Variants in HS6ST1 observed in about 807,000 individuals in gnomAD.
HS6ST1 encodes the protein heparan sulfate 6-O-sulfotransferase 1, also known as heparan-sulfate 6-O-sulfotransferase 1.
HS6ST1 carries 3 observed loss-of-function variants against 25.2 expected under a neutral mutation model. That is an observed-to-expected ratio of 0.12 (90% CI 0.05 to 0.31). HS6ST1 has a LOEUF of 0.31. HS6ST1 is among the 10% of genes least tolerant of loss of function. The pLI, the probability that HS6ST1 is intolerant of heterozygous loss-of-function variation, is 1.00. For missense variants in HS6ST1, 310 were observed against 609.6 expected, an observed-to-expected ratio of 0.51 and a Z score of 5.18; for synonymous variants, 204 against 275.1, an observed-to-expected ratio of 0.74 and a Z score of 2.56.
chr2:128,313,216 C>T (rs942142476), intron 1 of HS6ST1, among the ~76,000 whole-genome samples: 1 of 152,168 alleles, frequency 6.6e-6, no homozygotes, highest in African/African-American at 2.4e-5. Context: ...GACTATTCAA[C>T]TCAGAAATTC....
At chr2:128,304,687 T>C (rs556716255) in intron 1 of HS6ST1, among the ~76,000 whole-genome samples, 22 of 138,916 alleles carry the variant, frequency 1.6e-4, no homozygotes, top group Non-Finnish European at 2.7e-4. Flanking sequence ...ACTGGGAAGA[T>C]ATGGAGGCAC....
At chr2:128,274,406 G>A (rs1489343284) in intron 1 of HS6ST1, among the ~76,000 whole-genome samples, 3 of 152,192 alleles carry the variant, frequency 2.0e-5, no homozygotes, top group African/African-American at 7.2e-5. Flanking sequence ...GAAGGAAAAT[G>A]ACCAATCTCA....
intron 1 of HS6ST1, among the ~76,000 whole-genome samples, chr2:128,311,668 C>A (rs555911567): frequency 6.6e-6 from 1 of 152,298 alleles, no homozygotes; most frequent in South Asian, 2.1e-4. Flanking sequence ...GAGAGGGAAG[C>A]TGAGGGGTTG....
intron 1 of HS6ST1, among the ~76,000 whole-genome samples, chr2:128,277,836 C>T (rs1693718773): frequency 6.6e-6 from 1 of 152,274 alleles, no homozygotes; most frequent in East Asian, 1.9e-4. Flanking sequence ...CGAACTGCAG[C>T]TTCTTGTGAA....
chr2:128,301,597 G>C (rs892214896), intron 1 of HS6ST1, among the ~76,000 whole-genome samples: 2 of 152,220 alleles, frequency 1.3e-5, no homozygotes, highest in Admixed American at 6.5e-5. Flanking sequence ...TCTTGTTCCA[G>C]AATGTTTCTG....
intron 1 of HS6ST1, among the ~76,000 whole-genome samples, chr2:128,284,500 C>T (rs1693832439): frequency 1.7e-5 from 1 of 59,604 alleles, no homozygotes; most frequent in South Asian, 4.4e-4. Context: ...GTGACATCGT[C>T]CCTCTTTTTT....
chr2:128,292,434 C>T (rs551225616), intron 1 of HS6ST1, among the ~76,000 whole-genome samples: 1 of 152,230 alleles, frequency 6.6e-6, no homozygotes, highest in South Asian at 2.1e-4. Flanking sequence ...ACAGAACAAC[C>T]CGGGGCGAGA....
At chr2:128,285,001 T>TG (rs1023720626) in intron 1 of HS6ST1, among the ~76,000 whole-genome samples, 11 of 152,156 alleles carry the variant, frequency 7.2e-5, no homozygotes, top group Non-Finnish European at 1.6e-4. Flanking sequence ...CTGGCAGGCC[T>TG]GGTGCCCGGG....
intron 1 of HS6ST1, among the ~76,000 whole-genome samples, chr2:128,312,719 C>T (rs1401935960): frequency 1.3e-5 from 2 of 152,172 alleles, no homozygotes; most frequent in African/African-American, 2.4e-5. Context: ...GCAATAAAAA[C>T]CATAAGATTA....
At chr2:128,288,901 G>GCTGAC (rs1343539491) in intron 1 of HS6ST1, among the ~76,000 whole-genome samples, 1 of 151,998 alleles carries the variant, frequency 6.6e-6, no homozygotes, top group Non-Finnish European at 1.5e-5. Flanking sequence ...TCCACCTCCT[G>GCTGAC]CTGACCCCAC....
At chr2:128,305,690 A>C (rs1472759901) in intron 1 of HS6ST1, among the ~76,000 whole-genome samples, 1 of 152,194 alleles carries the variant, frequency 6.6e-6, no homozygotes, top group East Asian at 1.9e-4. Context: ...CAACCCTCTC[A>C]ACTCCCCCGG....
chr2:128,301,400 A>G (rs2104930867), intron 1 of HS6ST1, among the ~76,000 whole-genome samples: 1 of 152,306 alleles, frequency 6.6e-6, no homozygotes, highest in African/African-American at 2.4e-5. Flanking sequence ...ATGACAGCAG[A>G]TCGTCTTTGG....
At chr2:128,285,765 C>G (rs890608211) in intron 1 of HS6ST1, among the ~76,000 whole-genome samples, 2 of 152,200 alleles carry the variant, frequency 1.3e-5, no homozygotes, top group African/African-American at 4.8e-5. Context: ...CCAGCTGGCT[C>G]GGACAACCAT....
rs552417955 is a variant in HS6ST1, at chr2:128,292,757, G to A, written c.528-23887C>T. On this transcript the variant is annotated intron_variant, in intron 1 of 1. Transcript: ENST00000259241. ...GGGGAATGGGGCGGAGGGGAGGGGC[G>A]GTGACTCACAAGGCCATGGGGGCGG... Among the ~76,000 whole-genome samples, 149 of 152,130 alleles carry A rather than the reference G, an allele frequency of 9.8e-4. 1 individual carries two copies. The Middle Eastern group carries it at 0.01, about 10-fold the overall frequency.
intron 1 of HS6ST1, among the ~76,000 whole-genome samples, chr2:128,301,078 C>G (rs1694117865): frequency 6.6e-6 from 1 of 152,226 alleles, no homozygotes; most frequent in South Asian, 2.1e-4. Flanking sequence ...CCTGAATGGT[C>G]TATAGAAACC....
intron 1 of HS6ST1, among the ~76,000 whole-genome samples, chr2:128,295,835 T>C (rs1255979114): frequency 6.6e-6 from 1 of 152,188 alleles, no homozygotes; most frequent in Non-Finnish European, 1.5e-5. Flanking sequence ...ATAAAAACTT[T>C]CAACAAACTA....
At chr2:128,307,654 G>A (rs577819213) in intron 1 of HS6ST1, among the ~76,000 whole-genome samples, 3 of 152,320 alleles carry the variant, frequency 2.0e-5, no homozygotes, top group South Asian at 2.1e-4. Flanking sequence ...CTCACTGACC[G>A]ATAAACACAT....
intron 1 of HS6ST1, among the ~76,000 whole-genome samples, chr2:128,292,756 C>T (rs1414969602): frequency 6.9e-6 from 1 of 144,044 alleles, no homozygotes; most frequent in African/African-American, 2.6e-5. Flanking sequence ...AGGGGAGGGG[C>T]GGTGACTCAC....
rs180885789 is a variant in HS6ST1, at chr2:128,296,610, T to C, written c.527+21427A>G. The stretch of plus-strand genomic sequence containing the variant: ...GAAGGAAATTAACAAAACAATTATG[T>C]TTTTGTTGGCATCAGAAAGTGTAAA... On this transcript the variant is annotated intron_variant, in intron 1 of 1. Transcript: ENST00000259241. 9.7e-3 allele frequency among the ~76,000 whole-genome samples: 1,484 copies of C among 152,336 alleles called. 17 individuals carry two copies. Among genetic ancestry groups the C allele is most frequent in the Admixed American group, 0.015 (230 of 15,304 alleles).
Sources: gnomAD v4.1 joint callset for allele counts (sites outside exome capture counted in the v4.1 genomes callset) on GRCh38, gnomAD v4.1.1 for gene constraint, MANE v1.5 for transcripts, NCBI Gene and HGNC (gene_info 2026-07-23, HGNC 2026-07-21) for gene names.